The following GPR149 variants were observed in gnomAD, a reference collection of about 807,000 sequenced individuals.
GPR149 encodes the protein probable G protein-coupled receptor 149.
GPR149 carries 50 observed loss-of-function variants against 50.2 expected under a neutral mutation model. The observed-to-expected ratio is 1.00, with a 90% CI of 0.79 to 1.26. The LOEUF is 1.26. Ranked by LOEUF, GPR149 falls within the 50% of genes most tolerant of loss-of-function variation. GPR149 has a pLI of 0.00. For missense variants in GPR149, 983 were observed against 895.4 expected (o/e 1.10, Z -1.25); for synonymous variants, 405 against 358.2 (o/e 1.13, Z -1.48).
At chr3:154,342,360 A>T (rs920468064) in intron 3 of GPR149, among the ~76,000 whole-genome samples, 2 of 152,228 alleles carry the variant, frequency 1.3e-5, no homozygotes, top group Admixed American at 1.3e-4. Flanking sequence ...CAATTAAAGA[A>T]AAATGGAGAG....
intron 3 of GPR149, among the ~76,000 whole-genome samples, chr3:154,355,191 C>G (rs908017141): frequency 2.6e-5 from 4 of 152,042 alleles, no homozygotes; most frequent in Non-Finnish European, 5.9e-5. Context: ...CCAGGCCCAG[C>G]TAATTTTGGT....
chr3:154,345,426 C>T (rs1365635195), intron 3 of GPR149, among the ~76,000 whole-genome samples: 3 of 152,062 alleles, frequency 2.0e-5, no homozygotes, highest in African/African-American at 7.2e-5. Flanking sequence ...AAAACGATTC[C>T]TTTTGTAATC....
intron 3 of GPR149, among the ~76,000 whole-genome samples, chr3:154,358,267 G>A (rs144659050): frequency 0.015 from 2,231 of 152,092 alleles, 36 homozygotes; most frequent in South Asian, 0.038. Flanking sequence ...TTGTGCACAT[G>A]TACCCTAAAA....
intron 2 of GPR149, among the ~76,000 whole-genome samples, chr3:154,424,398 C>T (rs1179006060): frequency 6.6e-6 from 1 of 151,746 alleles, no homozygotes; most frequent in African/African-American, 2.4e-5. Context: ...GTTAGGTTAG[C>T]CTTGACTCAA....
chr3:154,409,518 G>C (rs893606815), intron 3 of GPR149, among the ~76,000 whole-genome samples: 1 of 151,958 alleles, frequency 6.6e-6, no homozygotes, highest in Non-Finnish European at 1.5e-5. Flanking sequence ...CAGTGAAATA[G>C]AAAGCATAAA....
At position 154,338,197 on chromosome 3, in the gene GPR149, T is replaced by C; in HGVS notation, c.1698A>G (p.Lys566=). The C allele has an allele frequency of 6.2e-7, 1 of 1,614,112 alleles. No homozygotes were observed. The highest frequency in any genetic ancestry group is 8.5e-7 in the Non-Finnish European group (1 of 1,179,986). ...CCTCATAGGTAGAAAGAGATAGGGT[T>C]TTCCCTGTAGGTGCATGGAGAGACA... is the stretch of plus-strand genomic sequence containing the variant. The part of the protein sequence containing the change: ...GTVSLHAPTG[K]TLSLSTYEVS... The change falls in exon 4 of 4, where the codon AAA becomes AAG. Residue 566 remains lysine (K), a synonymous_variant. Coordinates refer to ENST00000389740, the MANE Select transcript of GPR149 (RefSeq NM_001038705.3).
intron 3 of GPR149, among the ~76,000 whole-genome samples, chr3:154,360,850 G>T (rs1269058351): frequency 6.6e-6 from 1 of 152,016 alleles, no homozygotes; most frequent in Non-Finnish European, 1.5e-5. Flanking sequence ...TACAAATAAT[G>T]AGCATAAGCT....
At chr3:154,353,161 C>T (rs1714126326) in intron 3 of GPR149, 2 of 1,519,274 alleles carry the variant, frequency 1.3e-6, no homozygotes, top group South Asian at 2.2e-5. Flanking sequence ...AAAATAATAG[C>T]CCTCCCTTCA....
intron 3 of GPR149, among the ~76,000 whole-genome samples, chr3:154,356,962 T>C (rs1714249103): frequency 6.6e-6 from 1 of 152,122 alleles, no homozygotes; most frequent in Admixed American, 6.5e-5. Context: ...CAAAACAGCA[T>C]GGTACTGGTA....
intron 1 of GPR149, among the ~76,000 whole-genome samples, chr3:154,427,985 G>A (rs1450311049): frequency 6.6e-6 from 1 of 152,152 alleles, no homozygotes. Flanking sequence ...CTACAACGTG[G>A]GGGACGCTAG....
At chr3:154,353,307 G>A (rs1031028591) in intron 3 of GPR149, 3 of 1,426,856 alleles carry the variant, frequency 2.1e-6, no homozygotes, top group South Asian at 2.3e-5. Context: ...TTCATATCTG[G>A]ATTTCATGTA....
intron 3 of GPR149, among the ~76,000 whole-genome samples, chr3:154,399,200 T>G (rs1426592103): frequency 6.6e-6 from 1 of 152,110 alleles, no homozygotes; most frequent in African/African-American, 2.4e-5. Flanking sequence ...ATTTATGATA[T>G]TTTCCTATAG....
At chr3:154,369,140 G>A (rs545136546) in intron 3 of GPR149, among the ~76,000 whole-genome samples, 2 of 152,294 alleles carry the variant, frequency 1.3e-5, no homozygotes, top group African/African-American at 2.4e-5. Flanking sequence ...AACCACGGGT[G>A]TGGGAATCCC....
chr3:154,411,196 G>C (rs1711822530), intron 3 of GPR149, among the ~76,000 whole-genome samples: 1 of 152,128 alleles, frequency 6.6e-6, no homozygotes, highest in African/African-American at 2.4e-5. Context: ...CAAAAGTGGT[G>C]CTGAGAGAAA....
chr3:154,414,419 A>T (rs1391427470), intron 3 of GPR149, among the ~76,000 whole-genome samples: 1 of 152,076 alleles, frequency 6.6e-6, no homozygotes, highest in Non-Finnish European at 1.5e-5. Context: ...CCAAAAGAAG[A>T]ATCGTAGAAA....
chr3:154,388,195 C>G (rs577865227), intron 3 of GPR149, among the ~76,000 whole-genome samples: 1 of 152,076 alleles, frequency 6.6e-6, no homozygotes, highest in African/African-American at 2.4e-5. Context: ...ATCTATGTTA[C>G]CTTACATTTA....
chr3:154,398,960 CTAAT>C (rs1416871929), intron 3 of GPR149, among the ~76,000 whole-genome samples: 1 of 152,126 alleles, frequency 6.6e-6, no homozygotes, highest in Non-Finnish European at 1.5e-5. Context: ...GAGAAGGACT[CTAAT>C]TAAAATTGGA....
chr3:154,339,208 T>C (rs1713725648), intron 3 of GPR149, among the ~76,000 whole-genome samples: 1 of 152,132 alleles, frequency 6.6e-6, no homozygotes, highest in African/African-American at 2.4e-5. Context: ...AAATACAGGT[T>C]TTTAGCATTA....
intron 3 of GPR149, 42 bp downstream of exon 3, chr3:154,420,997 G>T: frequency 7.3e-7 from 1 of 1,371,308 alleles, no homozygotes; most frequent in Non-Finnish European, 1.0e-6. Flanking sequence ...ATCATATTTA[G>T]TATCACTTTC....
Sources: gnomAD v4.1 joint callset for allele counts (sites outside exome capture counted in the v4.1 genomes callset) on GRCh38, gnomAD v4.1.1 for gene constraint, MANE v1.5 for transcripts, NCBI Gene and HGNC (gene_info 2026-07-23, HGNC 2026-07-21) for gene names.